The following ANKFY1 variants were observed in gnomAD, a reference collection of about 807,000 sequenced individuals.
ANKFY1 encodes ankyrin repeat and FYVE domain-containing protein 1.
ANKFY1 carries 47 observed loss-of-function variants against 128.3 expected under a neutral mutation model. That is an observed-to-expected ratio of 0.37 (90% confidence interval 0.29 to 0.47). ANKFY1 has a LOEUF of 0.47. ANKFY1 is among the 20% of genes least tolerant of loss of function. ANKFY1 has a pLI of 1.00. For missense variants in ANKFY1, 1,222 were observed against 1,510.6 expected, an observed-to-expected ratio of 0.81 and a Z score of 3.17; for synonymous variants, 553 against 601.6, an observed-to-expected ratio of 0.92 and a Z score of 1.18.
chr17:4,186,964 T>A, intron 11 of ANKFY1: 1 of 1,191,814 alleles, frequency 8.4e-7, no homozygotes, highest in Non-Finnish European at 1.0e-6. Flanking sequence ...TCCTGGCCAG[T>A]TTCCTCTGTT....
At chr17:4,257,461 T>G (rs544144383) in intron 1 of ANKFY1, among the ~76,000 whole-genome samples, 1 of 152,236 alleles carries the variant, frequency 6.6e-6, no homozygotes, top group Admixed American at 6.5e-5. Flanking sequence ...TAACATACTC[T>G]TCCAACTTCA....
In ANKFY1 at chr17:4,179,010, G is replaced by T. The variant is rs1445099303; in HGVS notation, c.2445C>A (p.His815Gln). Reference protein sequence around the residue: ...TPIHVAISSQHGVIIQLLVSH... With the variant: ...TPIHVAISSQQGVIIQLLVSH... ...AAACCAACAGCTGAATGATGACACC[G>T]TGTTGGCTGCTGATGGCCACGTGGA... The change falls in exon 18 of 25, where the codon CAC becomes CAA. Residue 815 changes from histidine (H) to glutamine (Q), a missense_variant. By Grantham distance (24) the His-to-Gln change is conservative. Coordinates refer to ENST00000341657, the MANE Select transcript of ANKFY1 (RefSeq NM_001330063.2). The T allele has an allele frequency of 6.2e-7, 1 of 1,614,200 alleles. No individual in the cohort carries two copies. The highest frequency in any genetic ancestry group is 2.2e-5 in the East Asian group (1 of 44,878).
intron 20 of ANKFY1, among the ~76,000 whole-genome samples, chr17:4,173,705 C>T (rs562175601): frequency 6.6e-5 from 10 of 152,348 alleles, no homozygotes; most frequent in Non-Finnish European, 1.3e-4. Context: ...GCAGTGTGGG[C>T]TTCCAGGGCT....
At chr17:4,210,575 G>T (rs1457882110) in intron 4 of ANKFY1, among the ~76,000 whole-genome samples, 1 of 151,976 alleles carries the variant, frequency 6.6e-6, no homozygotes, top group Non-Finnish European at 1.5e-5. Context: ...GGCTGTGGTG[G>T]CGCATGCCTG....
chr17:4,175,628 C>T (rs2059399140), intron 19 of ANKFY1, among the ~76,000 whole-genome samples: 1 of 152,150 alleles, frequency 6.6e-6, no homozygotes, highest in Non-Finnish European at 1.5e-5. Flanking sequence ...AGGACCCTGA[C>T]TTCTAAGTCT....
At chr17:4,186,641 C>T (rs2059617026) in intron 11 of ANKFY1, 1 of 201,062 alleles carries the variant, frequency 5.0e-6, no homozygotes, top group Non-Finnish European at 8.9e-6. Context: ...CCTCCCCATA[C>T]AGGGGAACTG....
chr17:4,195,225 A>ACT, intron 9 of ANKFY1, 48 bp from the exon 10 acceptor site: 1 of 1,534,596 alleles, frequency 6.5e-7, no homozygotes, highest in Non-Finnish European at 8.9e-7. Context: ...TTTTTGAGAC[A>ACT]CTCTATACTG....
In ANKFY1 at chr17:4,217,023, T is replaced by A; in HGVS notation, c.418A>T (p.Lys140Ter). 6.2e-7 allele frequency: 1 copy of A among 1,614,198 alleles called. No individual in the cohort carries two copies. Among genetic ancestry groups the A allele is most frequent in the Non-Finnish European group, 8.5e-7 (1 of 1,180,026 alleles). ...TGTAGCTGAAACCGATTTGCTAGTT[T>A]CATCAGTTCAGTCAGGAACACATCA... is the stretch of plus-strand genomic sequence containing the variant. ...EDDVFLTELM[K>*]LANRFQLQLL... is the part of the protein sequence containing the mutation. The change falls in exon 4 of 25, where the codon AAA becomes TAA. Residue 140 changes from lysine (K) to a stop codon, truncating the protein, a stop_gained. Transcript: ENST00000341657. LOFTEE classifies it high-confidence loss of function.
At chr17:4,173,584 G>T in intron 20 of ANKFY1, 140 bp from the exon 21 acceptor site, 1 of 793,436 alleles carries the variant, frequency 1.3e-6, no homozygotes, top group South Asian at 1.5e-5. Context: ...ATCCTTTCTG[G>T]TCTTCACCGC....
At chr17:4,184,193 A>C (rs182320190) in intron 12 of ANKFY1, among the ~76,000 whole-genome samples, 2 of 152,290 alleles carry the variant, frequency 1.3e-5, no homozygotes, top group Admixed American at 6.5e-5. Flanking sequence ...AAAGACTAAA[A>C]CAACGCCCTG....
At chr17:4,171,178 G>A (rs975902698) in intron 22 of ANKFY1, among the ~76,000 whole-genome samples, 15 of 152,234 alleles carry the variant, frequency 9.9e-5, no homozygotes, top group African/African-American at 3.4e-4. Flanking sequence ...AACACAGAGG[G>A]AATCATCTAC....
chr17:4,261,553 G>T (rs1968418083), intron 1 of ANKFY1, among the ~76,000 whole-genome samples: 4 of 152,228 alleles, frequency 2.6e-5, no homozygotes, highest in Admixed American at 2.6e-4. Context: ...CTATCCCCCT[G>T]CTAATTTAAC....
chr17:4,181,363 C>T lies in ANKFY1; in HGVS notation c.2131G>A (p.Gly711Ser). Residue 711 changes from glycine to serine, a missense_variant, in exon 16 of 25, where the codon GGC (glycine) becomes AGC (serine). By Grantham distance (56) the Gly-to-Ser change is moderately conservative (BLOSUM62 0). Transcript: ENST00000341657. This position sits in a 1 kb window ranked among gnomAD's most constrained non-coding sequence, Gnocchi z 4.9. ...GGACCCCAGCATGTGGCATCACAGC[C>T]ATGTCTGACCTGCAGAAAAACATAG... ...EDIASTLVRHGCDATCWGPGP... is the reference protein window; with the variant it reads ...EDIASTLVRHSCDATCWGPGP... 1 of 1,613,538 alleles carries T rather than the reference C, an allele frequency of 6.2e-7. No homozygotes were observed. The highest frequency in any genetic ancestry group is 1.3e-5 in the African/African-American group (1 of 75,034).
At chr17:4,239,750 T>A (rs1369190956) in intron 2 of ANKFY1, among the ~76,000 whole-genome samples, 1 of 151,948 alleles carries the variant, frequency 6.6e-6, no homozygotes, top group Non-Finnish European at 1.5e-5. Flanking sequence ...TGTTGGTCAG[T>A]CTGGTCTCAA....
chr17:4,230,490 T>C (rs1371315700), intron 3 of ANKFY1, among the ~76,000 whole-genome samples: 2 of 152,226 alleles, frequency 1.3e-5, no homozygotes, highest in Non-Finnish European at 2.9e-5. Context: ...ATCATTTTGC[T>C]AGAAGCAAAT....
At chr17:4,194,700 A>G in intron 10 of ANKFY1, 1 of 430,464 alleles carries the variant, frequency 2.3e-6, no homozygotes, top group South Asian at 2.5e-5. Flanking sequence ...ACAATTTTTA[A>G]GACGGTCAAA....
intron 1 of ANKFY1, among the ~76,000 whole-genome samples, chr17:4,261,850 T>C (rs1449740686): frequency 6.6e-6 from 1 of 152,216 alleles, no homozygotes; most frequent in East Asian, 1.9e-4. Flanking sequence ...TTCCTGAACC[T>C]TTCTACCCGC....
intron 3 of ANKFY1, among the ~76,000 whole-genome samples, chr17:4,228,587 T>C (rs1264556965): frequency 1.3e-5 from 2 of 152,110 alleles, no homozygotes; most frequent in Non-Finnish European, 2.9e-5. Flanking sequence ...GGCTAATTTT[T>C]TGTATTTTTA....
intron 10 of ANKFY1, chr17:4,194,735 G>A (rs890754440): frequency 2.0e-6 from 1 of 509,818 alleles, no homozygotes; most frequent in African/African-American, 1.9e-5. Flanking sequence ...CAAAGAGTCT[G>A]CGAGTCGCCG....
Sources: gnomAD v4.1 joint callset for allele counts (sites outside exome capture counted in the v4.1 genomes callset) on GRCh38, gnomAD v4.1.1 for gene constraint, Gnocchi (gnomAD v3.1) non-coding constraint, MANE v1.5 for transcripts, NCBI Gene and HGNC (gene_info 2026-07-23, HGNC 2026-07-21) for gene names.